Variants in ARHGAP42 observed in about 807,000 individuals in gnomAD.
ARHGAP42 encodes the protein rho GTPase-activating protein 42.
A neutral mutation model predicts 125.0 loss-of-function variants in ARHGAP42; 63 were observed. The observed-to-expected ratio is 0.50, with a 90% CI of 0.41 to 0.62. The LOEUF (loss-of-function observed/expected upper bound fraction) is 0.62, where lower values mean the gene tolerates loss of function less well. ARHGAP42 is among the 20% of genes least tolerant of loss of function. The pLI is 0.00. For missense variants in ARHGAP42, 766 were observed against 1,024.2 expected (o/e 0.75, Z 3.44); for synonymous variants, 339 against 351.0 (o/e 0.97, Z 0.38).
At chr11:100,731,400 C>G (rs575491916) in intron 1 of ARHGAP42, among the ~76,000 whole-genome samples, 1 of 152,256 alleles carries the variant, frequency 6.6e-6, no homozygotes, top group East Asian at 1.9e-4. Flanking sequence ...CCATCCGCCT[C>G]AGACTCCTAG....
chr11:100,884,274 A>G (rs1866031602), intron 4 of ARHGAP42, among the ~76,000 whole-genome samples: 1 of 152,216 alleles, frequency 6.6e-6, no homozygotes, highest in Non-Finnish European at 1.5e-5. Flanking sequence ...ATTTAAAAAT[A>G]AAACTATTTT....
intron 1 of ARHGAP42, among the ~76,000 whole-genome samples, chr11:100,700,203 G>A (rs191711461): frequency 6.6e-6 from 1 of 152,280 alleles, no homozygotes; most frequent in Admixed American, 6.5e-5. Flanking sequence ...TTTAAAAAAT[G>A]TGCAGACCTT....
At chr11:100,725,651 A>T (rs1435469278) in intron 1 of ARHGAP42, among the ~76,000 whole-genome samples, 1 of 104 alleles carries the variant, frequency 9.6e-3, no homozygotes, top group African/African-American at 0.038. Context: ...AAAAAAAGCC[A>T]GGTGGCCCGG....
intron 1 of ARHGAP42, among the ~76,000 whole-genome samples, chr11:100,769,230 A>G (rs901764706): frequency 6.6e-6 from 1 of 152,176 alleles, no homozygotes; most frequent in Non-Finnish European, 1.5e-5. Context: ...GTATGTTTTT[A>G]TGTGGTGCTT....
chr11:100,976,548 C>A, intron 20 of ARHGAP42, 111 bp downstream of exon 20: 1 of 1,381,444 alleles, frequency 7.2e-7, no homozygotes, highest in Non-Finnish European at 9.6e-7. Flanking sequence ...ACTAATGATG[C>A]TTATCTACTT....
At chr11:100,768,796 C>T (rs1862897009) in intron 1 of ARHGAP42, among the ~76,000 whole-genome samples, 1 of 152,182 alleles carries the variant, frequency 6.6e-6, no homozygotes, top group Admixed American at 6.5e-5. Flanking sequence ...AGGCACAGTT[C>T]TAAACCCTTT....
intron 1 of ARHGAP42, among the ~76,000 whole-genome samples, chr11:100,712,045 T>A (rs1168458340): frequency 1.3e-5 from 2 of 152,230 alleles, no homozygotes; most frequent in African/African-American, 4.8e-5. Context: ...GATTTCGTGA[T>A]CTCAATTATG....
At chr11:100,867,929 G>T (rs1273479275) in intron 4 of ARHGAP42, among the ~76,000 whole-genome samples, 1 of 152,176 alleles carries the variant, frequency 6.6e-6, no homozygotes, top group African/African-American at 2.4e-5. Flanking sequence ...GAGAGAGAGA[G>T]AGAAAGACAG....
intron 3 of ARHGAP42, among the ~76,000 whole-genome samples, chr11:100,855,015 T>C (rs1865293748): frequency 6.6e-6 from 1 of 152,202 alleles, no homozygotes; most frequent in Non-Finnish European, 1.5e-5. Flanking sequence ...TTGTGGTCTT[T>C]CCACTTTGTA....
intron 13 of ARHGAP42, among the ~76,000 whole-genome samples, chr11:100,960,685 G>A (rs1020317163): frequency 3.3e-5 from 5 of 152,102 alleles, no homozygotes; most frequent in African/African-American, 1.2e-4. Context: ...TGAATAGGCA[G>A]CTACACTTTG....
At chr11:100,880,432 T>C (rs1483833007) in intron 4 of ARHGAP42, among the ~76,000 whole-genome samples, 6 of 152,218 alleles carry the variant, frequency 3.9e-5, no homozygotes, top group Admixed American at 3.9e-4. Context: ...ATGCTATTCA[T>C]TCCTTTTTAT....
chr11:100,981,644 G>T (rs1436762758), intron 22 of ARHGAP42, among the ~76,000 whole-genome samples: 1 of 152,208 alleles, frequency 6.6e-6, no homozygotes, highest in Non-Finnish European at 1.5e-5. Flanking sequence ...TCTAATCTAT[G>T]ATGCACCAGA....
chr11:100,908,210 A>G (rs1866800728), intron 4 of ARHGAP42, among the ~76,000 whole-genome samples: 4 of 152,336 alleles, frequency 2.6e-5, no homozygotes, highest in African/African-American at 9.6e-5. Context: ...TAACATTTCC[A>G]TAATTTATTT....
chr11:100,699,001 C>G (rs1209225800), intron 1 of ARHGAP42, among the ~76,000 whole-genome samples: 1 of 152,136 alleles, frequency 6.6e-6, no homozygotes, highest in Non-Finnish European at 1.5e-5. Flanking sequence ...CAGAGCTCCT[C>G]TTCCATTTTC....
intron 17 of ARHGAP42, among the ~76,000 whole-genome samples, chr11:100,968,065 G>A (rs1858145791): frequency 6.6e-6 from 1 of 152,082 alleles, no homozygotes. Context: ...ATCTCTAATA[G>A]CATTTCTTTG....
At chr11:100,720,660 A>G (rs1011870673) in intron 1 of ARHGAP42, among the ~76,000 whole-genome samples, 8 of 144,696 alleles carry the variant, frequency 5.5e-5, no homozygotes, top group Non-Finnish European at 1.1e-4. Flanking sequence ...TTAATTGTAT[A>G]TGACTGTATT....
At chr11:100,936,780 C>T (rs1867749421) in intron 8 of ARHGAP42, among the ~76,000 whole-genome samples, 2 of 152,142 alleles carry the variant, frequency 1.3e-5, no homozygotes, top group African/African-American at 4.8e-5. Context: ...CTCTTTACTT[C>T]CTGAGGTTCG....
In ARHGAP42 at chr11:100,961,489, A is replaced by G. The variant is rs1382834151; in HGVS notation, c.1301-195A>G. On this transcript the variant is annotated intron_variant, in intron 14 of 23. Transcript: ENST00000298815. The stretch of plus-strand genomic sequence containing the variant: ...TAATTTCATTTGGGAGACTTATTTC[A>G]TAAGATATATCTTTGAGGTTTAGTG... Among the ~76,000 whole-genome samples the G allele has an allele frequency of 2.6e-5, 4 of 152,216 alleles. No homozygotes were observed. In the East Asian group the frequency reaches 7.7e-4, roughly 29 times the overall value.
chr11:100,905,106 T>A (rs757334084), intron 4 of ARHGAP42, among the ~76,000 whole-genome samples: 15 of 152,244 alleles, frequency 9.9e-5, no homozygotes, highest in Non-Finnish European at 1.6e-4. Context: ...TTTTTCAACT[T>A]TTGTGTTTCT....
Sources: allele counts gnomAD v4.1 joint callset (sites outside exome capture counted in the v4.1 genomes callset), GRCh38; gene constraint gnomAD v4.1.1; transcripts MANE v1.5; gene names NCBI Gene and HGNC (gene_info 2026-07-23, HGNC 2026-07-21).